UCHL1: variants seen among roughly 807,000 people sequenced by gnomAD.
The protein encoded by UCHL1 is ubiquitin C-terminal hydrolase L1, also known as ubiquitin carboxyl-terminal hydrolase isozyme L1.
In UCHL1, 5 loss-of-function variants were observed where a neutral mutation model predicts 33.3. The ratio of observed to expected loss-of-function variants is 0.15; its 90% CI spans 0.08 to 0.32. UCHL1 has a LOEUF of 0.32. Ranked by LOEUF, UCHL1 falls within the 10% of genes least tolerant of loss-of-function variation. The probability of loss-of-function intolerance (pLI) is 1.00; values close to 1 mark genes in which losing one functional copy is unlikely to be tolerated. For missense variants in UCHL1, 236 were observed against 280.0 expected (o/e 0.84, Z 1.12); for synonymous variants, 132 against 108.8 (o/e 1.21, Z -1.33).
At chr4:41,260,942 G>A (rs1781059869) in intron 4 of UCHL1, 145 bp downstream of exon 4, 4 of 1,226,140 alleles carry the variant, frequency 3.3e-6, no homozygotes, top group Non-Finnish European at 4.7e-6. Flanking sequence ...CTGACTCACA[G>A]TCCTCCTCAG....
At position 41,263,344 on chromosome 4, in the gene UCHL1, A is replaced by G. The variant is rs1781103938; in HGVS notation, c.526+53A>G. The G allele has an allele frequency of 9.9e-6, 15 of 1,513,056 alleles. No homozygotes were observed. The South Asian group carries it at 1.2e-4, about 12-fold the overall frequency. 93.7% of individuals were successfully genotyped at this position (1,513,056 alleles called of 1,614,324 possible). A position where few individuals can be genotyped will look rare whatever the true frequency, so the allele number is the denominator to read the frequency against. On this transcript the variant is annotated intron_variant, in intron 7 of 8. Transcript: ENST00000284440. ...AGTGTAGTTTCATGTGTTCTTTCAG[A>G]CTGAATTTCTCTTGATATATTGTGT... is the stretch of plus-strand genomic sequence containing the variant.
At chr4:41,260,821 C>CCAT (rs774414437) in intron 4 of UCHL1, 24 bp downstream of exon 4, 1 of 1,613,994 alleles carries the variant, frequency 6.2e-7, no homozygotes, top group Non-Finnish European at 8.5e-7. Flanking sequence ...TTGAGGCCAG[C>CCAT]CATCCTAAGC....
At chr4:41,257,367 T>G (rs1780994643) in intron 2 of UCHL1, 1 of 898,464 alleles carries the variant, frequency 1.1e-6, no homozygotes, top group African/African-American at 1.8e-5. Context: ...CAGGCGGAGC[T>G]CCCGAGGGCG....
chr4:41,258,720 C>T (rs1013418352), intron 3 of UCHL1, among the ~76,000 whole-genome samples: 1 of 152,106 alleles, frequency 6.6e-6, no homozygotes, highest in Non-Finnish European at 1.5e-5. Flanking sequence ...GCATCTGTAG[C>T]CAAAATCAAG....
chr4:41,258,260 C>T (rs115528094), intron 3 of UCHL1, among the ~76,000 whole-genome samples: 305 of 152,336 alleles, frequency 2.0e-3, no homozygotes, highest in African/African-American at 7.0e-3. Flanking sequence ...CTTCTCCACT[C>T]CCACCACTTG....
At chr4:41,263,177 T>A (rs1415413002) in intron 6 of UCHL1, 48 bp from the exon 7 acceptor site, 2 of 1,454,736 alleles carry the variant, frequency 1.4e-6, no homozygotes, top group Non-Finnish European at 9.7e-7. Context: ...AGATAATTTT[T>A]AAAATACAGC....
intron 8 of UCHL1, among the ~76,000 whole-genome samples, chr4:41,266,587 G>T (rs189095110): frequency 7.9e-4 from 120 of 152,168 alleles, no homozygotes; most frequent in African/African-American, 2.7e-3. Context: ...AAAAAACTTG[G>T]TAGAGGATAA....
chr4:41,264,710 A>G (rs2154087284), intron 8 of UCHL1, among the ~76,000 whole-genome samples: 1 of 152,308 alleles, frequency 6.6e-6, no homozygotes, highest in South Asian at 2.1e-4. Context: ...CAGAAAAGTG[A>G]TTCTGGGCAA....
rs556171924 is a variant in UCHL1 at position 41,257,468 on chromosome 4, G to T, written c.46-141G>T. 3.5e-5 allele frequency: 41 copies of T among 1,162,836 alleles called. No homozygotes were observed. The Middle Eastern group carries it at 1.2e-3, about 34-fold the overall frequency. 72.0% of individuals were successfully genotyped at this position (1,162,836 alleles called of 1,614,324 possible). ...GCTGTGTCATTGCGCCGGCCCGGGT[G>T]GGGGTGGCAGGGCGGGACTGGGGCT... On this transcript the variant is annotated intron_variant, in intron 2 of 8. Transcript: ENST00000284440.
chr4:41,257,570 T>A (rs1196682155), intron 2 of UCHL1, 39 bp from the exon 3 acceptor site: 3 of 1,480,664 alleles, frequency 2.0e-6, no homozygotes, highest in Middle Eastern at 2.4e-4. Context: ...GCGACCCGCG[T>A]GTCCCCGTGC....
chr4:41,257,235 C>T (rs1780990940), intron 2 of UCHL1, 109 bp downstream of exon 2: 3 of 1,544,152 alleles, frequency 1.9e-6, no homozygotes, highest in South Asian at 1.2e-5. Flanking sequence ...CTGCGAGCAC[C>T]GGAGACGGCC....
intron 3 of UCHL1, 37 bp downstream of exon 3, chr4:41,257,774 A>T: frequency 2.6e-6 from 4 of 1,542,640 alleles, no homozygotes; most frequent in Non-Finnish European, 3.5e-6. Context: ...GGCCGCCGGC[A>T]GTGCACGCCG....
chr4:41,263,976 A>C lies in UCHL1; in HGVS notation c.527-127A>C, dbSNP rs1455285437. ...CTCATTTGCAGCCTCTTGCTTCATAACCAGGCTTCCTTCTGTGGGTTTGGC... is the reference window on the plus strand; with the variant it reads ...CTCATTTGCAGCCTCTTGCTTCATACCCAGGCTTCCTTCTGTGGGTTTGGC... On this transcript the variant is annotated intron_variant, in intron 7 of 8. Coordinates refer to ENST00000284440, the MANE Select transcript of UCHL1 (RefSeq NM_004181.5). 7.4e-6 allele frequency: 9 copies of C among 1,221,302 alleles called. No individual in the cohort carries two copies. The East Asian group carries it at 1.9e-4, about 25-fold the overall frequency. The allele number at this position is 1,221,302 out of a possible 1,614,324, so 75.7% of individuals were successfully genotyped here. A position where few individuals can be genotyped will look rare whatever the true frequency, so the allele number is the denominator to read the frequency against.
intron 3 of UCHL1, among the ~76,000 whole-genome samples, chr4:41,259,077 A>G (rs1561080017): frequency 1.3e-5 from 2 of 152,228 alleles, no homozygotes; most frequent in Non-Finnish European, 2.9e-5. Context: ...TCTTGTTTAG[A>G]GAACATTCTA....
At position 41,261,922 on chromosome 4, in the gene UCHL1, G is replaced by T. The variant is rs771734476; in HGVS notation, c.458G>T (p.Arg153Leu). 6.2e-7 allele frequency: 1 copy of T among 1,614,028 alleles called. No homozygotes were observed. The highest frequency in any genetic ancestry group is 1.7e-5 in the Admixed American group (1 of 60,008). ...GCCGTGGCACAGGAAGGCCAATGTC[G>T]GGTAAATGCAAATACAAATCGGAGC... ...HDAVAQEGQC[R>L]VDDKVNFHFI... Residue 153 changes from arginine to leucine, a missense_variant and splice_region_variant, in exon 6 of 9, where the codon CGG becomes CTG. By Grantham distance (102) the Arg-to-Leu change is moderately radical (BLOSUM62 -2). Transcript: ENST00000284440.
chr4:41,259,662 CAG>C (rs995633289), intron 3 of UCHL1, among the ~76,000 whole-genome samples: 1 of 152,154 alleles, frequency 6.6e-6, no homozygotes, highest in African/African-American at 2.4e-5. Flanking sequence ...TATGGGAAAT[CAG>C]TGTTTCTATA....
chr4:41,257,289 T>C, intron 2 of UCHL1, 163 bp downstream of exon 2: 1 of 1,194,224 alleles, frequency 8.4e-7, no homozygotes, highest in Non-Finnish European at 1.1e-6. Flanking sequence ...CCCCTGCATT[T>C]AGCGGGTGAC....
chr4:41,267,321 G>T (rs1781170215), intron 8 of UCHL1, among the ~76,000 whole-genome samples: 1 of 152,078 alleles, frequency 6.6e-6, no homozygotes, highest in African/African-American at 2.4e-5. Flanking sequence ...TCGCCTCACT[G>T]CAAGCTCCGC....
At chr4:41,263,366 G>T in intron 7 of UCHL1, 75 bp downstream of exon 7, 1 of 1,400,792 alleles carries the variant, frequency 7.1e-7, no homozygotes, top group South Asian at 1.2e-5. Flanking sequence ...TTGATATATT[G>T]TGTGACTTTA....
Sources: allele counts gnomAD v4.1 joint callset (sites outside exome capture counted in the v4.1 genomes callset), GRCh38; gene constraint gnomAD v4.1.1; transcripts MANE v1.5; gene names NCBI Gene and HGNC (gene_info 2026-07-23, HGNC 2026-07-21).